KCNMA1: variants seen among roughly 807,000 people sequenced by gnomAD.
KCNMA1 encodes the protein Calcium-activated potassium channel subunit alpha-1.
In KCNMA1, 29 loss-of-function variants were observed where a neutral mutation model predicts 140.0. That is an observed-to-expected ratio of 0.21 (90% CI 0.15 to 0.28). The LOEUF is 0.28. KCNMA1 is among the 10% of genes least tolerant of loss of function. KCNMA1 has a pLI of 1.00. For missense variants in KCNMA1, 880 were observed against 1,602.2 expected (o/e 0.55, Z 7.70); for synonymous variants, 612 against 611.9 (o/e 1.00, Z 0.00).
intron 1 of KCNMA1, among the ~76,000 whole-genome samples, chr10:77,496,697 T>C (rs1297147448): frequency 1.4e-5 from 2 of 146,472 alleles, no homozygotes; most frequent in African/African-American, 5.0e-5. Context: ...CCTACTTGAT[T>C]TCTCAACATC....
chr10:77,325,863 CTGGCTTTTAA>C (rs2154360244), intron 2 of KCNMA1, among the ~76,000 whole-genome samples: 1 of 152,322 alleles, frequency 6.6e-6, no homozygotes, highest in East Asian at 1.9e-4. Context: ...GTAGCTCCCT[CTGGCTTTTAA>C]TGTAAAGCCA....
At chr10:77,113,649 A>G (rs1401452095) in intron 6 of KCNMA1, among the ~76,000 whole-genome samples, 1 of 152,028 alleles carries the variant, frequency 6.6e-6, no homozygotes, top group Admixed American at 6.6e-5. Context: ...TTTTTAGTAG[A>G]GATGGAGTTT....
In KCNMA1 at chr10:76,998,486, G is replaced by A. The variant is rs556458136; in HGVS notation, c.2266+2921C>T. 8.5e-4 allele frequency among the ~76,000 whole-genome samples: 130 copies of A among 152,246 alleles called. 1 individual carries two copies. The highest frequency in any genetic ancestry group is 8.1e-3 in the South Asian group (39 of 4,816). Reference sequence around the variant, plus strand: ...AATGAGTGTCTTGGGAAACAATACAGCCCTAGCATAAAAGACAAAGGGCAA... The same window carrying A: ...AATGAGTGTCTTGGGAAACAATACAACCCTAGCATAAAAGACAAAGGGCAA... On this transcript the variant is annotated intron_variant, in intron 19 of 27. Transcript: ENST00000286628.
At chr10:77,635,697 G>GGTTTGCCTCCTT (rs1291600254) in intron 1 of KCNMA1, 2 of 152,380 alleles carry the variant, frequency 1.3e-5, no homozygotes, top group East Asian at 3.8e-4. Context: ...TAACAAATAA[G>GGTTTGCCTCCTT]AAGAAACCTC....
intron 23 of KCNMA1, among the ~76,000 whole-genome samples, chr10:76,936,420 C>G (rs570097075): frequency 6.6e-6 from 1 of 152,156 alleles, no homozygotes; most frequent in African/African-American, 2.4e-5. Flanking sequence ...AATCTCTAAA[C>G]AGTTAAGTAT....
At chr10:77,216,608 A>G (rs749897971) in intron 3 of KCNMA1, among the ~76,000 whole-genome samples, 9 of 152,226 alleles carry the variant, frequency 5.9e-5, no homozygotes, top group Non-Finnish European at 7.3e-5. Context: ...CTATGAAAAA[A>G]TTGTATCTTA....
intron 23 of KCNMA1, among the ~76,000 whole-genome samples, chr10:76,917,690 C>T (rs1406127415): frequency 6.6e-6 from 1 of 152,176 alleles, no homozygotes; most frequent in Non-Finnish European, 1.5e-5. Context: ...GCTTTTATTG[C>T]TAAGAAAACT....
chr10:77,014,993 C>G (rs1420192581), intron 17 of KCNMA1, among the ~76,000 whole-genome samples: 1 of 152,168 alleles, frequency 6.6e-6, no homozygotes, highest in Non-Finnish European at 1.5e-5. Context: ...GGGCCTTTTC[C>G]ACTCTTTGGG....
chr10:76,914,339 T>C (rs1252707250), intron 24 of KCNMA1: 1 of 569,250 alleles, frequency 1.8e-6, no homozygotes, highest in Admixed American at 3.2e-5. Flanking sequence ...ATGGCCAGGT[T>C]AGAAGTTAGA....
chr10:77,141,515 G>A lies in KCNMA1; in HGVS notation c.809-20467C>T, dbSNP rs1239749588. On this transcript the variant is annotated intron_variant, in intron 5 of 27. Coordinates refer to ENST00000286628, the MANE Select transcript of KCNMA1 (RefSeq NM_001161352.2). Reference sequence around the variant, plus strand: ...GTCAGGACACAGTGAGAGGGCAGCCGCCTGCAAGCCAGAAAGAGAGCCCTC... The same window carrying A: ...GTCAGGACACAGTGAGAGGGCAGCCACCTGCAAGCCAGAAAGAGAGCCCTC... 7.2e-5 allele frequency among the ~76,000 whole-genome samples: 11 copies of A among 152,290 alleles called. 1 individual carries two copies. The South Asian group carries it at 2.3e-3, about 32-fold the overall frequency.
At chr10:77,020,450 A>T (rs938223553) in intron 16 of KCNMA1, 1 of 152,208 alleles carries the variant, frequency 6.6e-6, no homozygotes, top group Admixed American at 6.5e-5. Flanking sequence ...TACTTGTGTC[A>T]TGACTATTAT....
intron 1 of KCNMA1, among the ~76,000 whole-genome samples, chr10:77,480,989 G>T (rs924474391): frequency 3.3e-5 from 5 of 151,236 alleles, no homozygotes; most frequent in Admixed American, 3.3e-4. Context: ...AGGTAGTGGC[G>T]GGCGCCTGTA....
At chr10:77,408,519 T>C (rs2096545249) in intron 1 of KCNMA1, among the ~76,000 whole-genome samples, 1 of 151,636 alleles carries the variant, frequency 6.6e-6, no homozygotes, top group Admixed American at 6.6e-5. Flanking sequence ...TGTGCATGTG[T>C]GTGTGCATCT....
chr10:77,489,237 C>T (rs2098502699), intron 1 of KCNMA1, among the ~76,000 whole-genome samples: 1 of 152,184 alleles, frequency 6.6e-6, no homozygotes, highest in Non-Finnish European at 1.5e-5. Flanking sequence ...ATAGGGCATA[C>T]TTAAACTAAA....
intron 2 of KCNMA1, among the ~76,000 whole-genome samples, chr10:77,357,700 A>G (rs1292354483): frequency 6.6e-6 from 1 of 152,226 alleles, no homozygotes; most frequent in Non-Finnish European, 1.5e-5. Context: ...CTTAAACTTC[A>G]GTTTCTACAT....
intron 1 of KCNMA1, among the ~76,000 whole-genome samples, chr10:77,501,230 G>T (rs1699830095): frequency 6.6e-6 from 1 of 152,220 alleles, no homozygotes; most frequent in African/African-American, 2.4e-5. Flanking sequence ...ATGGCCCTGA[G>T]GACAAGATGA....
At chr10:76,892,290 T>A (rs2040462685) in intron 25 of KCNMA1, among the ~76,000 whole-genome samples, 1 of 152,248 alleles carries the variant, frequency 6.6e-6, no homozygotes, top group Admixed American at 6.5e-5. Flanking sequence ...GTGAATGTCC[T>A]GGTAAGTGTA....
chr10:76,925,604 T>C (rs533283201), intron 23 of KCNMA1, among the ~76,000 whole-genome samples: 6 of 152,338 alleles, frequency 3.9e-5, no homozygotes, highest in African/African-American at 9.6e-5. Context: ...AAGTGATAGA[T>C]TGACTGAAAA....
chr10:77,134,410 A>C (rs932805530), intron 5 of KCNMA1, among the ~76,000 whole-genome samples: 1 of 152,146 alleles, frequency 6.6e-6, no homozygotes, highest in African/African-American at 2.4e-5. Context: ...GAAGTAGATA[A>C]TATAACTAGT....
Sources: gnomAD v4.1 joint callset for allele counts (sites outside exome capture counted in the v4.1 genomes callset) on GRCh38, gnomAD v4.1.1 for gene constraint, MANE v1.5 for transcripts, NCBI Gene and HGNC (gene_info 2026-07-23, HGNC 2026-07-21) for gene names.